The following FAM200C variants were observed in gnomAD, a reference collection of about 807,000 sequenced individuals.
chr5:160,393,494 A>G, the FAM200C span: 1 of 559,972 alleles, frequency 1.8e-6, no homozygotes, highest in East Asian at 3.1e-5. Context: ...GAATTGGGAA[A>G]ATCTCATGAT....
chr5:160,394,943 T>C, the FAM200C span: 1 of 1,613,466 alleles, frequency 6.2e-7, no homozygotes, highest in Non-Finnish European at 8.5e-7. Context: ...ACTGCAGTCA[T>C]CCATGTCAGT....
the FAM200C span, chr5:160,394,695 T>C: frequency 1.2e-6 from 2 of 1,614,082 alleles, no homozygotes; most frequent in African/African-American, 1.3e-5. Flanking sequence ...GTAACTACGA[T>C]ATGAGGTATC....
the FAM200C span, chr5:160,394,693 G>A: frequency 6.2e-6 from 10 of 1,613,992 alleles, no homozygotes; most frequent in African/African-American, 6.7e-5. Context: ...GTGTAACTAC[G>A]ATATGAGGTA....
At chr5:160,397,422 A>G in the FAM200C span, 1 of 152,216 alleles carries the variant, frequency 6.6e-6, no homozygotes, top group African/African-American at 2.4e-5. Flanking sequence ...GGCATAATCC[A>G]CAGGTAGGCT....
At chr5:160,395,094 G>T in the FAM200C span, 4 of 1,613,562 alleles carry the variant, frequency 2.5e-6, no homozygotes, top group Non-Finnish European at 3.4e-6. Context: ...AGCTTTTTTT[G>T]TGCATCTGGT....
the FAM200C span, among the ~76,000 whole-genome samples, chr5:160,396,697 G>GAAAAAAA: frequency 2.0e-5 from 1 of 49,266 alleles, no homozygotes; most frequent in Non-Finnish European, 4.7e-5. Context: ...AAGTCTCTGT[G>GAAAAAAA]GAAAAAAAAA....
the FAM200C span, chr5:160,394,925 AT>A: frequency 1.2e-6 from 2 of 1,613,318 alleles, no homozygotes; most frequent in Non-Finnish European, 1.7e-6. Flanking sequence ...CACAAATGCC[AT>A]TAGCTGACTG....
the FAM200C span, chr5:160,395,342 T>C: frequency 6.2e-6 from 10 of 1,614,212 alleles, 1 homozygote; most frequent in South Asian, 7.7e-5. Flanking sequence ...TCTGTTAAAA[T>C]GGTCTGACAG....
chr5:160,394,777 G>GCCAC, the FAM200C span: 1 of 1,614,026 alleles, frequency 6.2e-7, no homozygotes, highest in Non-Finnish European at 8.5e-7. Context: ...TACAAACAGA[G>GCCAC]CCACATACAT....
the FAM200C span, chr5:160,394,893 T>A: frequency 6.2e-7 from 1 of 1,612,732 alleles, no homozygotes; most frequent in Non-Finnish European, 8.5e-7. Flanking sequence ...TCTTCTACGA[T>A]CTCTCTTTCT....
At chr5:160,394,106 A>G in the FAM200C span, 1 of 1,613,594 alleles carries the variant, frequency 6.2e-7, no homozygotes, top group Non-Finnish European at 8.5e-7. Context: ...TCCAATGGAA[A>G]AATATCCATG....
chr5:160,395,355 T>C, the FAM200C span: 1 of 1,614,204 alleles, frequency 6.2e-7, no homozygotes, highest in Non-Finnish European at 8.5e-7. Context: ...TCTGACAGTT[T>C]TGATGGTCTG....
At chr5:160,397,680 C>A in the FAM200C span, among the ~76,000 whole-genome samples, 3 of 152,184 alleles carry the variant, frequency 2.0e-5, no homozygotes, top group Non-Finnish European at 2.9e-5. Flanking sequence ...TGAGCTGTTA[C>A]AAGGTTGTTA....
At chr5:160,395,109 A>G in the FAM200C span, 1 of 1,614,088 alleles carries the variant, frequency 6.2e-7, no homozygotes, top group Non-Finnish European at 8.5e-7. Flanking sequence ...TCTGGTCCCA[A>G]AACTATTTGT....
chr5:160,393,529 C>A, the FAM200C span: 3 of 608,872 alleles, frequency 4.9e-6, no homozygotes, highest in Admixed American at 6.3e-5. Context: ...AGTACTTAAT[C>A]TTTTCTGCTG....
At chr5:160,399,791 AAAAG>A in the FAM200C span, 2 of 151,964 alleles carry the variant, frequency 1.3e-5, no homozygotes, top group African/African-American at 4.8e-5. Flanking sequence ...AAAAAAAAAA[AAAAG>A]ACTCAGCGCG....
chr5:160,395,071 G>A, the FAM200C span: 2,154 of 1,613,998 alleles, frequency 1.3e-3, 4 homozygotes, highest in Non-Finnish European at 1.7e-3. Context: ...CATCTGATAA[G>A]GGTACCTGCT....
chr5:160,393,740 T>C, the FAM200C span: 1 of 1,552,582 alleles, frequency 6.4e-7, no homozygotes, highest in South Asian at 1.2e-5. Flanking sequence ...TAGCTTTTGT[T>C]CAATGATGTC....
chr5:160,395,399 A>G, the FAM200C span: 2 of 1,614,152 alleles, frequency 1.2e-6, no homozygotes, highest in Non-Finnish European at 8.5e-7. Context: ...GTTACACAAC[A>G]CACACTGTGG....
Sources: allele counts gnomAD v4.1 joint callset (sites outside exome capture counted in the v4.1 genomes callset), GRCh38; gene constraint gnomAD v4.1.1; transcripts MANE v1.5.